MCU: variants seen among roughly 807,000 people sequenced by gnomAD.
The protein encoded by MCU is calcium uniporter protein, mitochondrial.
MCU carries 12 observed loss-of-function variants against 45.2 expected under a neutral mutation model. The observed-to-expected ratio is 0.27, with a 90% CI of 0.17 to 0.43. The LOEUF is 0.43. MCU is among the 20% of genes least tolerant of loss of function. The probability of loss-of-function intolerance (pLI) is 1.00; values close to 1 mark genes in which losing one functional copy is unlikely to be tolerated. For synonymous variants in MCU, 160 were observed against 165.1 expected, an observed-to-expected ratio of 0.97 and a Z score of 0.24; for missense variants, 324 against 436.7, an observed-to-expected ratio of 0.74 and a Z score of 2.30.
intron 1 of MCU, among the ~76,000 whole-genome samples, chr10:72,813,504 G>C (rs981135343): frequency 6.9e-5 from 8 of 116,730 alleles, no homozygotes; most frequent in African/African-American, 2.6e-4. Flanking sequence ...TGTTGCCCAA[G>C]CTGGAGTGCA....
chr10:72,825,404 G>C (rs976857674), intron 1 of MCU, among the ~76,000 whole-genome samples: 1 of 152,106 alleles, frequency 6.6e-6, no homozygotes, highest in Non-Finnish European at 1.5e-5. Flanking sequence ...ACAGTGTCAG[G>C]CATCTTAATC....
intron 1 of MCU, among the ~76,000 whole-genome samples, chr10:72,804,027 T>C (rs1178192675): frequency 4.0e-5 from 1 of 24,716 alleles, no homozygotes; most frequent in African/African-American, 3.5e-4. Context: ...AATATATATA[T>C]ATATATATAT....
At chr10:72,798,430 TACAGGTGCATGTCACCATGCCC>T (rs1232779395) in intron 1 of MCU, among the ~76,000 whole-genome samples, 9 of 152,108 alleles carry the variant, frequency 5.9e-5, no homozygotes, top group African/African-American at 2.2e-4. Flanking sequence ...TAGCTGGGAT[TACAGGTGCATGTCACCATGCCC>T]GGCTAATTTT....
At chr10:72,796,786 C>T (rs1038685599) in intron 1 of MCU, among the ~76,000 whole-genome samples, 3 of 151,640 alleles carry the variant, frequency 2.0e-5, no homozygotes, top group Admixed American at 2.0e-4. Context: ...CCTCAGCCTC[C>T]TAAAGTGCTG....
At chr10:72,851,908 A>T (rs1246405408) in intron 2 of MCU, among the ~76,000 whole-genome samples, 1 of 152,222 alleles carries the variant, frequency 6.6e-6, no homozygotes. Context: ...GACCAAGGGC[A>T]GTTTGGAGGT....
chr10:72,712,195 T>G (rs1337414240), intron 1 of MCU: 2 of 152,152 alleles, frequency 1.3e-5, no homozygotes, highest in Non-Finnish European at 2.9e-5. Context: ...AAAAAGGAAT[T>G]TATTATGTCA....
chr10:72,692,554 C>T, intron 1 of MCU: 1 of 1,088,362 alleles, frequency 9.2e-7, no homozygotes, highest in Non-Finnish European at 1.1e-6. Context: ...CTGGGGACAC[C>T]AGGGCGGGGA....
At chr10:72,794,062 A>G (rs1023087792) in intron 1 of MCU, among the ~76,000 whole-genome samples, 8 of 152,136 alleles carry the variant, frequency 5.3e-5, no homozygotes, top group Non-Finnish European at 1.0e-4. Flanking sequence ...CTAGGATCTC[A>G]TTATCTAAAT....
At chr10:72,750,902 T>C (rs1843484703) in intron 1 of MCU, among the ~76,000 whole-genome samples, 2 of 152,274 alleles carry the variant, frequency 1.3e-5, no homozygotes, top group Non-Finnish European at 2.9e-5. Flanking sequence ...ATGTTGCTTA[T>C]TTAGCTTAGA....
At chr10:72,725,968 C>G (rs2132677866) in intron 1 of MCU, among the ~76,000 whole-genome samples, 1 of 152,244 alleles carries the variant, frequency 6.6e-6, no homozygotes, top group South Asian at 2.1e-4. Flanking sequence ...CCTTTCTTGC[C>G]TGATTCTCTC....
intron 1 of MCU, chr10:72,756,450 C>T (rs1419562357): frequency 6.6e-6 from 1 of 152,146 alleles, no homozygotes; most frequent in African/African-American, 2.4e-5. Flanking sequence ...ATTACTTATA[C>T]ATAAAAATTT....
chr10:72,886,756 G>A lies in MCU; in HGVS notation c.*934G>A, dbSNP rs1845781201. 6.6e-6 allele frequency: 1 copy of A among 152,324 alleles called. No homozygotes were observed. Among genetic ancestry groups the A allele is most frequent in the African/African-American group, 2.4e-5 (1 of 41,440 alleles). 9.4% of individuals were successfully genotyped at this position (152,324 alleles called of 1,614,324 possible). A position where few individuals can be genotyped will look rare whatever the true frequency, so the allele number is the denominator to read the frequency against. On this transcript the variant is annotated 3_prime_UTR_variant, in exon 8 of 8. Coordinates refer to ENST00000373053, the MANE Select transcript of MCU (RefSeq NM_138357.3). Reference sequence around the variant, plus strand: ...TAATTTTATTGCTAATCTGCTTTGTGTGACAGCATTCCAGGCCAGCCAGAT... The same window carrying A: ...TAATTTTATTGCTAATCTGCTTTGTATGACAGCATTCCAGGCCAGCCAGAT...
intron 2 of MCU, among the ~76,000 whole-genome samples, chr10:72,843,414 C>T (rs1317184826): frequency 6.6e-6 from 1 of 152,098 alleles, no homozygotes; most frequent in Non-Finnish European, 1.5e-5. Context: ...CAGCATGTAG[C>T]CTTTTCTGAT....
intron 1 of MCU, among the ~76,000 whole-genome samples, chr10:72,747,260 T>TACG (rs982399375): frequency 4.2e-4 from 64 of 152,340 alleles, no homozygotes; most frequent in African/African-American, 1.5e-3. Context: ...ACAATGTCTA[T>TACG]ACGAATGTTA....
chr10:72,798,936 C>G (rs1043123811), intron 1 of MCU, among the ~76,000 whole-genome samples: 4 of 151,854 alleles, frequency 2.6e-5, no homozygotes, highest in Non-Finnish European at 5.9e-5. Flanking sequence ...CAACTTGATT[C>G]TTTTATTTTT....
In MCU at chr10:72,871,425, C is replaced by T; in HGVS notation, c.706C>T (p.Leu236=). 6.2e-7 allele frequency: 1 copy of T among 1,614,136 alleles called. No homozygotes were observed. The highest frequency in any genetic ancestry group is 1.1e-5 in the South Asian group (1 of 91,084). The change falls in exon 6 of 8, where the codon CTA becomes TTA. Residue 236 remains leucine, a synonymous_variant. Coordinates refer to ENST00000373053, the MANE Select transcript of MCU (RefSeq NM_138357.3). ...AGCTGAGAAGAGGACCACTTTGGTG[C>T]TATGGGGTGGCCTTGCCTACATGGC... The part of the protein sequence containing the change: ...RKAEKRTTLV[L]WGGLAYMATQ...
chr10:72,736,922 T>C (rs1420995387), intron 1 of MCU, among the ~76,000 whole-genome samples: 1 of 152,358 alleles, frequency 6.6e-6, no homozygotes, highest in East Asian at 1.9e-4. Flanking sequence ...TAGCATTTGC[T>C]AAAAGAGCTT....
At chr10:72,847,604 T>C (rs1027912486) in intron 2 of MCU, among the ~76,000 whole-genome samples, 5 of 152,178 alleles carry the variant, frequency 3.3e-5, no homozygotes, top group African/African-American at 7.2e-5. Flanking sequence ...ATAGGAGATA[T>C]TACTATAAAA....
intron 1 of MCU, chr10:72,766,980 A>G (rs1475421632): frequency 6.6e-6 from 1 of 152,194 alleles, no homozygotes; most frequent in Non-Finnish European, 1.5e-5. Context: ...TTTTAAGTGT[A>G]CAAGTAATAA....
Sources: allele counts gnomAD v4.1 joint callset (sites outside exome capture counted in the v4.1 genomes callset), GRCh38; gene constraint gnomAD v4.1.1; transcripts MANE v1.5; gene names NCBI Gene and HGNC (gene_info 2026-07-23, HGNC 2026-07-21).